The following DSG3 variants were observed in gnomAD, a reference collection of about 807,000 sequenced individuals.
The protein encoded by DSG3 is desmoglein-3.
In DSG3, 63 loss-of-function variants were observed where a neutral mutation model predicts 85.9. The ratio of observed to expected loss-of-function variants is 0.73; its 90% CI spans 0.60 to 0.90. The LOEUF is 0.90. Ranked by LOEUF, DSG3 falls within the 40% of genes least tolerant of loss-of-function variation. DSG3 has a pLI of 0.00. For synonymous variants in DSG3, 447 were observed against 441.9 expected (o/e 1.01, Z -0.14); for missense variants, 1,220 against 1,219.9 (o/e 1.00, Z 0.00).
chr18:31,448,020 C>A, intron 1 of DSG3, 95 bp downstream of exon 1: 1 of 922,500 alleles, frequency 1.1e-6, no homozygotes, highest in Non-Finnish European at 1.5e-6. Flanking sequence ...ATTATAAATT[C>A]TAAAAGGAGT....
At position 31,461,406 on chromosome 18, in the gene DSG3, G is replaced by T. The variant is rs1395046850; in HGVS notation, c.993G>T (p.Val331=). The T allele has an allele frequency of 6.2e-7, 1 of 1,611,942 alleles. No homozygotes were observed. The highest frequency in any genetic ancestry group is 8.5e-7 in the Non-Finnish European group (1 of 1,179,376). Residue 331 remains valine (V), a synonymous_variant, in exon 8 of 16, where the codon GTG becomes GTT. Transcript: ENST00000257189. Reference sequence around the variant, plus strand: ...GAACTAATGAAGGCATCCTGAAAGTGGTGAAGGTAAGGTCTGACTTCCCTT... The same window carrying T: ...GAACTAATGAAGGCATCCTGAAAGTTGTGAAGGTAAGGTCTGACTTCCCTT... ...DPRTNEGILK[V]VKALDYEQLQ...
In DSG3 at chr18:31,466,629, G is replaced by C; in HGVS notation, c.1511G>C (p.Ser504Thr). Reference protein sequence around the residue: ...TAVLEKDAVCSSSPSVVVSAR... With the variant: ...TAVLEKDAVCTSSPSVVVSAR... Reference sequence around the variant, plus strand: ...GTCCTCGAAAAAGATGCAGTTTGCAGTTCTTCACCTTCCGTGGTTGTCTCC... The same window carrying C: ...GTCCTCGAAAAAGATGCAGTTTGCACTTCTTCACCTTCCGTGGTTGTCTCC... The change falls in exon 11 of 16, where the codon AGT becomes ACT. Residue 504 changes from serine to threonine, a missense_variant. Ser to Thr is a moderately conservative substitution (Grantham distance 58). Transcript: ENST00000257189. 1 of 1,614,218 alleles carries C rather than the reference G, an allele frequency of 6.2e-7. No individual in the cohort carries two copies. Among genetic ancestry groups the C allele is most frequent in the Non-Finnish European group, 8.5e-7 (1 of 1,180,038 alleles).
In DSG3 at chr18:31,458,492, T is replaced by A. The variant is rs775159096; in HGVS notation, c.264T>A (p.Ser88=). Residue 88 remains serine (S), a synonymous_variant, in exon 4 of 16, where the codon TCT becomes TCA. Coordinates refer to ENST00000257189, the MANE Select transcript of DSG3 (RefSeq NM_001944.3). ...QATQKITYRI[S]GVGIDQPPFG... is the part of the protein sequence containing the mutation. ...CCCAGAAAATCACCTACCGAATCTCTGGAGTGGGAATCGATCAGCCGCCTT... is the reference window on the plus strand; with the variant it reads ...CCCAGAAAATCACCTACCGAATCTCAGGAGTGGGAATCGATCAGCCGCCTT... 1.2e-6 allele frequency: 2 copies of A among 1,613,932 alleles called. No individual in the cohort carries two copies. Among genetic ancestry groups the A allele is most frequent in the South Asian group, 2.2e-5 (2 of 91,070 alleles).
At position 31,478,169 on chromosome 18, in the gene DSG3, GC is replaced by G. The variant is rs1170092961; in HGVS notation, c.*1910del. ...TTAGGTGGGAGAAGCTAGATCCTGT[GC>G]AGCAGCCTGGTAAGTCCTGAGGAGG... On this transcript the variant is annotated 3_prime_UTR_variant, in exon 16 of 16. Transcript: ENST00000257189. The G allele has an allele frequency of 6.6e-6, 1 of 152,232 alleles. No individual in the cohort carries two copies. Among genetic ancestry groups the G allele is most frequent in the African/African-American group, 2.4e-5 (1 of 41,438 alleles). The allele number at this position is 152,232 out of a possible 1,614,324, so 9.4% of individuals were successfully genotyped here.
intron 7 of DSG3, 56 bp from the exon 8 acceptor site, chr18:31,461,171 A>C: frequency 7.0e-7 from 1 of 1,432,542 alleles, no homozygotes; most frequent in Non-Finnish European, 9.4e-7. Flanking sequence ...AAGAAACATA[A>C]TCTCTCCATG....
chr18:31,476,473 G>C lies in DSG3; in HGVS notation c.*213G>C. Reference sequence around the variant, plus strand: ...ATTCTCAAGTACTATTCAAATTGTAGTAAATCTTAAAGTTTTTCAAAACCC... The same window carrying C: ...ATTCTCAAGTACTATTCAAATTGTACTAAATCTTAAAGTTTTTCAAAACCC... On this transcript the variant is annotated 3_prime_UTR_variant, in exon 16 of 16. Transcript: ENST00000257189. The C allele has an allele frequency of 2.1e-6, 1 of 466,806 alleles. No individual in the cohort carries two copies. Among genetic ancestry groups the C allele is most frequent in the Non-Finnish European group, 3.6e-6 (1 of 280,728 alleles). The allele number at this position is 466,806 out of a possible 1,614,324, so 28.9% of individuals were successfully genotyped here.
At position 31,470,538 on chromosome 18, in the gene DSG3, C is replaced by G. The variant is rs189330328; in HGVS notation, c.1897+1189C>G. On this transcript the variant is annotated intron_variant, in intron 12 of 15. Coordinates refer to ENST00000257189, the MANE Select transcript of DSG3 (RefSeq NM_001944.3). ...TTTTCAATATCGTATTAATCAAGTT[C>G]AAGAACCAGAAATTTTTAAGTACCT... is the stretch of plus-strand genomic sequence containing the variant. 2.3e-3 allele frequency among the ~76,000 whole-genome samples: 356 copies of G among 152,162 alleles called. 3 individuals carry two copies. Among genetic ancestry groups the G allele is most frequent in the African/African-American group, 8.4e-3 (349 of 41,516 alleles).
At position 31,477,404 on chromosome 18, in the gene DSG3, T is replaced by C. The variant is rs2072895794; in HGVS notation, c.*1144T>C. ...AATGACGTGTATTATGTTAACAATG[T>C]CTGCAGATTTTGTAGGAATACAAAA... On this transcript the variant is annotated 3_prime_UTR_variant, in exon 16 of 16. Coordinates refer to ENST00000257189, the MANE Select transcript of DSG3 (RefSeq NM_001944.3). The C allele has an allele frequency of 6.6e-6, 1 of 152,248 alleles. No homozygotes were observed. The allele number at this position is 152,248 out of a possible 1,614,324, so 9.4% of individuals were successfully genotyped here. A position where few individuals can be genotyped will look rare whatever the true frequency, so the allele number is the denominator to read the frequency against.
chr18:31,453,806 T>C (rs1290121448), intron 1 of DSG3, among the ~76,000 whole-genome samples: 1 of 152,098 alleles, frequency 6.6e-6, no homozygotes, highest in Non-Finnish European at 1.5e-5. Context: ...ACAACTTAGT[T>C]CATTCAAATC....
intron 1 of DSG3, among the ~76,000 whole-genome samples, chr18:31,449,087 G>A (rs2072695858): frequency 6.6e-6 from 1 of 152,194 alleles, no homozygotes; most frequent in South Asian, 2.1e-4. Context: ...TAGTAGAGAT[G>A]GGGTTTTGCC....
At chr18:31,469,484 C>A in intron 12 of DSG3, 135 bp downstream of exon 12, 1 of 1,278,302 alleles carries the variant, frequency 7.8e-7, no homozygotes, top group Non-Finnish European at 1.1e-6. Context: ...GGGAAAATGG[C>A]ATTTTCAGAA....
intron 1 of DSG3, among the ~76,000 whole-genome samples, chr18:31,455,326 A>G (rs1179282754): frequency 4.6e-5 from 7 of 151,802 alleles, no homozygotes; most frequent in Non-Finnish European, 8.8e-5. Flanking sequence ...ATTTTCCACC[A>G]TTATTTTCCG....
intron 1 of DSG3, among the ~76,000 whole-genome samples, chr18:31,454,155 C>A (rs1255907261): frequency 6.6e-6 from 1 of 152,104 alleles, no homozygotes. Flanking sequence ...AAATATTCTA[C>A]CTTATTGTGT....
At chr18:31,473,412 C>T (rs1423729660) in intron 14 of DSG3, among the ~76,000 whole-genome samples, 1 of 152,208 alleles carries the variant, frequency 6.6e-6, no homozygotes, top group Non-Finnish European at 1.5e-5. Context: ...CACAACTACT[C>T]AGTGAACTAA....
At chr18:31,473,033 CT>C (rs2072865343) in intron 14 of DSG3, among the ~76,000 whole-genome samples, 1 of 152,168 alleles carries the variant, frequency 6.6e-6, no homozygotes, top group South Asian at 2.1e-4. Flanking sequence ...ATCTGTTATA[CT>C]TTTTCCAAAC....
At position 31,461,327 on chromosome 18, in the gene DSG3, A is replaced by G. The variant is rs767758202; in HGVS notation, c.914A>G (p.Tyr305Cys). Residue 305 changes from tyrosine to cysteine, a missense_variant, in exon 8 of 16, where the codon TAT (tyrosine) becomes TGT (cysteine). Physicochemically the swap from Tyr to Cys is radical, Grantham distance 194. Coordinates refer to ENST00000257189, the MANE Select transcript of DSG3 (RefSeq NM_001944.3). ...EEYTDNWLAV[Y>C]FFTSGNEGNW... is the part of the protein sequence containing the mutation. The stretch of plus-strand genomic sequence containing the variant: ...TACACAGATAATTGGCTTGCAGTAT[A>G]TTTCTTTACCTCTGGGAATGAAGGA... The G allele has an allele frequency of 6.2e-7, 1 of 1,613,548 alleles. No homozygotes were observed. The highest frequency in any genetic ancestry group is 8.5e-7 in the Non-Finnish European group (1 of 1,179,756).
intron 15 of DSG3, 32 bp downstream of exon 15, chr18:31,474,436 A>G: frequency 6.4e-7 from 1 of 1,573,294 alleles, no homozygotes; most frequent in Non-Finnish European, 8.6e-7. Flanking sequence ...TGGCTTGATT[A>G]TCTTATTTAC....
rs902334168 is a variant in DSG3 at position 31,458,373 on chromosome 18, A to G, written c.217-72A>G. ...TCGAATGAACAGATGACTTTAGACT[A>G]TGGAAGTGGGGGTGGAGAGGGAAAG... On this transcript the variant is annotated intron_variant, in intron 3 of 15. Coordinates refer to ENST00000257189, the MANE Select transcript of DSG3 (RefSeq NM_001944.3). 6.0e-6 allele frequency: 9 copies of G among 1,487,688 alleles called. No individual in the cohort carries two copies. The African/African-American group carries it at 7.0e-5, about 12-fold the overall frequency. The allele number at this position is 1,487,688 out of a possible 1,614,324, so 92.2% of individuals were successfully genotyped here.
chr18:31,461,377 C>A lies in DSG3; in HGVS notation c.964C>A (p.Pro322Thr), dbSNP rs369821354. ...EGNWFEIQTD[P>T]RTNEGILKVV... ...AAATTGGTTTGAAATACAAACTGAT[C>A]CTAGAACTAATGAAGGCATCCTGAA... The change falls in exon 8 of 16, where the codon CCT becomes ACT. Residue 322 changes from proline to threonine, a missense_variant. Pro to Thr is a conservative substitution (Grantham distance 38, BLOSUM62 -1). Transcript: ENST00000257189. 34 of 1,613,294 alleles carry A rather than the reference C, an allele frequency of 2.1e-5. No individual in the cohort carries two copies. Among genetic ancestry groups the A allele is most frequent in the Non-Finnish European group, 2.3e-5 (27 of 1,179,796 alleles).
Sources: allele counts gnomAD v4.1 joint callset (sites outside exome capture counted in the v4.1 genomes callset), GRCh38; gene constraint gnomAD v4.1.1; transcripts MANE v1.5; gene names NCBI Gene and HGNC (gene_info 2026-07-23, HGNC 2026-07-21).